The following GRIP1 variants were observed in gnomAD, a reference collection of about 807,000 sequenced individuals.
GRIP1 encodes the protein glutamate receptor interacting protein 1.
GRIP1 carries 45 observed loss-of-function variants against 129.9 expected under a neutral mutation model. The observed-to-expected ratio is 0.35, with a 90% CI of 0.27 to 0.44. The LOEUF is 0.44. Ranked by LOEUF, GRIP1 falls within the 20% of genes least tolerant of loss-of-function variation. The pLI is 1.00. For synonymous variants in GRIP1, 530 were observed against 520.8 expected, an observed-to-expected ratio of 1.02 and a Z score of -0.24; for missense variants, 1,196 against 1,396.8, an observed-to-expected ratio of 0.86 and a Z score of 2.29.
At chr12:66,892,345 T>A (rs1220103988) in intron 1 of GRIP1, among the ~76,000 whole-genome samples, 1 of 152,208 alleles carries the variant, frequency 6.6e-6, no homozygotes, top group Non-Finnish European at 1.5e-5. Context: ...CCTTCAGTGT[T>A]GATTCAACAT....
intron 1 of GRIP1, among the ~76,000 whole-genome samples, chr12:66,746,812 GC>G (rs2036962329): frequency 6.6e-6 from 1 of 152,226 alleles, no homozygotes; most frequent in Non-Finnish European, 1.5e-5. Flanking sequence ...AAGGGAATTT[GC>G]TAATCCAAAT....
At chr12:66,813,450 GA>G (rs1215859781) in intron 1 of GRIP1, among the ~76,000 whole-genome samples, 1 of 152,152 alleles carries the variant, frequency 6.6e-6, no homozygotes, top group African/African-American at 2.4e-5. Flanking sequence ...AACCATATCA[GA>G]GGAAACAGAT....
At position 66,898,080 on chromosome 12, in the gene GRIP1, T is replaced by C. The variant is rs186460451; in HGVS notation, c.58+170970A>G. On this transcript the variant is annotated intron_variant, in intron 1 of 1. Coordinates refer to the GRIP1 transcript ENST00000643019. ...ATCACCTAAATGCGTGTCCAAATAC[T>C]ATGTTCCACATTCCCCAAAAAATCT... Among the ~76,000 whole-genome samples the C allele has an allele frequency of 5.3e-3, 802 of 152,350 alleles. 11 individuals carry two copies. The highest frequency in any genetic ancestry group is 0.016 in the African/African-American group (678 of 41,582).
intron 1 of GRIP1, among the ~76,000 whole-genome samples, chr12:66,999,249 G>A (rs912737542): frequency 2.0e-5 from 3 of 152,132 alleles, no homozygotes; most frequent in African/African-American, 7.2e-5. Flanking sequence ...TCACAGCACT[G>A]AGAAACATGT....
At chr12:66,415,621 T>C (rs558222978) in intron 15 of GRIP1, among the ~76,000 whole-genome samples, 1 of 152,090 alleles carries the variant, frequency 6.6e-6, no homozygotes, top group Non-Finnish European at 1.5e-5. Context: ...ATATGCACGC[T>C]TATGTCCACT....
intron 1 of GRIP1, among the ~76,000 whole-genome samples, chr12:66,956,485 G>A (rs1566093975): frequency 1.3e-5 from 2 of 152,062 alleles, no homozygotes; most frequent in Non-Finnish European, 2.9e-5. Context: ...CGGTTCCTCC[G>A]TTTCTCTTTC....
intron 1 of GRIP1, among the ~76,000 whole-genome samples, chr12:66,880,453 T>C (rs2040459200): frequency 1.3e-5 from 2 of 152,098 alleles, no homozygotes; most frequent in Non-Finnish European, 2.9e-5. Context: ...AACACTCACA[T>C]TGGTCAATAT....
chr12:66,805,402 T>C (rs1487763208), upstream of GRIP1, among the ~76,000 whole-genome samples: 1 of 152,202 alleles, frequency 6.6e-6, no homozygotes, highest in Admixed American at 6.5e-5. Context: ...TCTCTATAGC[T>C]TCTTTCTTCT....
chr12:66,528,146 T>TTTTTTTTTTG (rs1592492979), intron 5 of GRIP1, among the ~76,000 whole-genome samples: 4 of 35,936 alleles, frequency 1.1e-4, no homozygotes, highest in Non-Finnish European at 1.7e-4. Flanking sequence ...TTTTTTTTTT[T>TTTTTTTTTTG]TTTTTTGAGA....
intron 1 of GRIP1, among the ~76,000 whole-genome samples, chr12:66,956,579 G>A (rs1229236199): frequency 6.6e-6 from 1 of 152,180 alleles, no homozygotes; most frequent in African/African-American, 2.4e-5. Flanking sequence ...AATGAGTGTA[G>A]AAAGATGTTA....
chr12:66,470,204 GT>G (rs2059399039), intron 7 of GRIP1, among the ~76,000 whole-genome samples: 1 of 152,120 alleles, frequency 6.6e-6, no homozygotes, highest in South Asian at 2.1e-4. Flanking sequence ...TTCCACAGCT[GT>G]TCTGGTAATG....
intron 14 of GRIP1, among the ~76,000 whole-genome samples, chr12:66,427,909 T>C (rs1251910661): frequency 6.6e-6 from 1 of 152,206 alleles, no homozygotes; most frequent in Non-Finnish European, 1.5e-5. Flanking sequence ...TACCTGCCTT[T>C]TGGGGCCAAA....
rs540314362 is a variant in GRIP1, at chr12:66,760,407, T to C, written c.-420+43646A>G. Among the ~76,000 whole-genome samples the C allele has an allele frequency of 2.6e-4, 39 of 152,294 alleles. No homozygotes were observed. The South Asian group carries it at 7.7e-3, about 30-fold the overall frequency. On this transcript the variant is annotated intron_variant, in intron 1 of 4. Coordinates refer to the GRIP1 transcript ENST00000538373. Reference sequence around the variant, plus strand: ...CAGGGGAAAATAAAAAGAGGTTTAATTGGATTTACAGTTCCACATGGCTGG... The same window carrying C: ...CAGGGGAAAATAAAAAGAGGTTTAACTGGATTTACAGTTCCACATGGCTGG...
intron 23 of GRIP1, among the ~76,000 whole-genome samples, chr12:66,362,295 G>A (rs1252156162): frequency 6.6e-6 from 1 of 151,412 alleles, no homozygotes; most frequent in Non-Finnish European, 1.5e-5. Context: ...CTGGGATTAC[G>A]GGCCTGCACC....
intron 1 of GRIP1, among the ~76,000 whole-genome samples, chr12:66,987,860 C>T (rs79723090): frequency 1.8e-3 from 267 of 152,270 alleles, no homozygotes; most frequent in Middle Eastern, 3.4e-3. Flanking sequence ...CAGGAATGCC[C>T]GGTCAACAGC....
chr12:66,523,848 C>T (rs1381015862), intron 5 of GRIP1, among the ~76,000 whole-genome samples: 18 of 151,714 alleles, frequency 1.2e-4, no homozygotes, highest in African/African-American at 2.7e-4. Flanking sequence ...ACCAAGCAAA[C>T]AGAAAACAAA....
chr12:66,363,340 C>T (rs867906088), intron 23 of GRIP1, among the ~76,000 whole-genome samples: 2 of 148,968 alleles, frequency 1.3e-5, no homozygotes, highest in African/African-American at 4.9e-5. Flanking sequence ...ACCTCTCAGG[C>T]TCAAGTGATC....
At chr12:66,843,278 C>T (rs2137054855) in intron 1 of GRIP1, among the ~76,000 whole-genome samples, 1 of 151,758 alleles carries the variant, frequency 6.6e-6, no homozygotes, top group Admixed American at 6.6e-5. Flanking sequence ...AAAAACATTG[C>T]CAGAAGAAAT....
At chr12:66,528,781 A>C (rs2061349109) in intron 5 of GRIP1, among the ~76,000 whole-genome samples, 1 of 152,202 alleles carries the variant, frequency 6.6e-6, no homozygotes, top group African/African-American at 2.4e-5. Flanking sequence ...ATGAACCAAA[A>C]ATAGAGCTAC....
Sources: allele counts gnomAD v4.1 joint callset (sites outside exome capture counted in the v4.1 genomes callset), GRCh38; gene constraint gnomAD v4.1.1; transcripts MANE v1.5; gene names NCBI Gene and HGNC (gene_info 2026-07-23, HGNC 2026-07-21).